CTXND1: variants seen among roughly 807,000 people sequenced by gnomAD.
CTXND1 encodes cortexin domain containing 1.
chr15:80,227,052 G>A (rs112795944), intron 1 of CTXND1, among the ~76,000 whole-genome samples: 1 of 152,130 alleles, frequency 6.6e-6, no homozygotes, highest in Non-Finnish European at 1.5e-5. Context: ...GAGTTTTATT[G>A]AGTGCACATA....
chr15:80,211,908 GT>G (rs945420860), intron 1 of CTXND1, among the ~76,000 whole-genome samples: 40 of 152,262 alleles, frequency 2.6e-4, no homozygotes, highest in African/African-American at 9.4e-4. Context: ...GGCTCTGAAT[GT>G]TTTTTATTCT....
At chr15:80,219,658 G>A (rs1595905973) in intron 1 of CTXND1, among the ~76,000 whole-genome samples, 1 of 152,148 alleles carries the variant, frequency 6.6e-6, no homozygotes, top group Non-Finnish European at 1.5e-5. Context: ...GTACCTGGGA[G>A]CTCCTGCCAC....
At chr15:80,204,169 A>AAAT (rs1555443860) in intron 1 of CTXND1, among the ~76,000 whole-genome samples, 36 of 65,190 alleles carry the variant, frequency 5.5e-4, no homozygotes, top group Admixed American at 1.1e-3. Context: ...AAAAAAAAAA[A>AAAT]ATATATATAT....
intron 2 of CTXND1, among the ~76,000 whole-genome samples, chr15:80,203,220 A>T (rs1200756099): frequency 6.6e-6 from 1 of 152,152 alleles, no homozygotes; most frequent in Non-Finnish European, 1.5e-5. Context: ...CCCTATCCTC[A>T]TCCCTGAACT....
intron 1 of CTXND1, among the ~76,000 whole-genome samples, chr15:80,251,008 A>C (rs185241248): frequency 4.1e-4 from 63 of 152,154 alleles, no homozygotes; most frequent in Middle Eastern, 3.4e-3. Flanking sequence ...TAATCCAGAA[A>C]CTCGAATCCT....
intron 1 of CTXND1, among the ~76,000 whole-genome samples, chr15:80,204,138 C>G (rs1341206135): frequency 1.5e-5 from 1 of 66,192 alleles, no homozygotes; most frequent in Non-Finnish European, 2.6e-5. Flanking sequence ...CAGAGCAAGA[C>G]TGTGTCTCAA....
At chr15:80,247,372 T>A (rs1043885419) in intron 1 of CTXND1, among the ~76,000 whole-genome samples, 1 of 152,194 alleles carries the variant, frequency 6.6e-6, no homozygotes, top group Middle Eastern at 3.4e-3. Context: ...TTTTGTCTTG[T>A]GTGAATAGTC....
intron 1 of CTXND1, among the ~76,000 whole-genome samples, chr15:80,246,396 G>C (rs980549097): frequency 7.2e-5 from 11 of 152,216 alleles, no homozygotes; most frequent in South Asian, 2.1e-4. Context: ...GGGCTTTGCT[G>C]TTTATCCGTT....
intron 1 of CTXND1, among the ~76,000 whole-genome samples, chr15:80,227,734 G>A (rs547002191): frequency 1.3e-5 from 2 of 152,308 alleles, no homozygotes; most frequent in Middle Eastern, 3.4e-3. Context: ...GATCATCTGA[G>A]GCTTCAGGAA....
intron 1 of CTXND1, among the ~76,000 whole-genome samples, chr15:80,208,084 T>G (rs1235258488): frequency 1.3e-5 from 2 of 152,252 alleles, no homozygotes; most frequent in Non-Finnish European, 2.9e-5. Flanking sequence ...GAAATAGGTG[T>G]TTGGTCAAAG....
chr15:80,217,978 G>A (rs182828896), intron 1 of CTXND1, among the ~76,000 whole-genome samples: 98 of 152,266 alleles, frequency 6.4e-4, no homozygotes, highest in African/African-American at 2.0e-3. Context: ...TATGGATGCC[G>A]ATGTATTTAG....
intron 1 of CTXND1, among the ~76,000 whole-genome samples, chr15:80,236,709 G>T (rs927145854): frequency 6.6e-6 from 1 of 151,808 alleles, no homozygotes; most frequent in Non-Finnish European, 1.5e-5. Flanking sequence ...CTTGAACTGG[G>T]GAGGGAGAGG....
At chr15:80,249,448 C>T (rs371223806) in intron 1 of CTXND1, among the ~76,000 whole-genome samples, 4 of 152,344 alleles carry the variant, frequency 2.6e-5, no homozygotes, top group African/African-American at 4.8e-5. Flanking sequence ...ATTCAAGTTG[C>T]TTCTCTGATC....
intron 1 of CTXND1, among the ~76,000 whole-genome samples, chr15:80,242,397 G>C (rs1441951254): frequency 6.6e-6 from 1 of 152,258 alleles, no homozygotes; most frequent in Non-Finnish European, 1.5e-5. Flanking sequence ...GGGCAGGAAG[G>C]GGAGGCAGAG....
intron 1 of CTXND1, among the ~76,000 whole-genome samples, chr15:80,204,645 T>TTGTA (rs1379641972): frequency 3.0e-5 from 1 of 33,560 alleles, no homozygotes; most frequent in Non-Finnish European, 4.6e-5. Context: ...TAATATTCCA[T>TTGTA]TGTATATATA....
chr15:80,242,871 T>C (rs1216288618), intron 1 of CTXND1, among the ~76,000 whole-genome samples: 2 of 152,188 alleles, frequency 1.3e-5, no homozygotes, highest in Non-Finnish European at 2.9e-5. Flanking sequence ...GCTTTGGTCA[T>C]TGATGTCATC....
At chr15:80,222,565 A>C (rs933009848) in intron 1 of CTXND1, among the ~76,000 whole-genome samples, 3 of 152,220 alleles carry the variant, frequency 2.0e-5, no homozygotes, top group African/African-American at 7.2e-5. Flanking sequence ...GTTTGAATTA[A>C]GATATGAATG....
rs1893140641 is a variant in CTXND1, at chr15:80,205,659, AC to A, written c.-217-1920del. On this transcript the variant is annotated intron_variant, in intron 1 of 2. Transcript: ENST00000560778. ...AAATGCACCAGATCCCGGCATCCAG[AC>A]AACGAGACACCAGACCCCTCGTTCA... is the stretch of plus-strand genomic sequence containing the variant. 8.5e-5 allele frequency among the ~76,000 whole-genome samples: 13 copies of A among 152,320 alleles called. No homozygotes were observed. The South Asian group carries it at 2.3e-3, about 27-fold the overall frequency.
intron 1 of CTXND1, among the ~76,000 whole-genome samples, chr15:80,232,174 G>A (rs1183834839): frequency 1.3e-5 from 2 of 152,000 alleles, no homozygotes; most frequent in Non-Finnish European, 2.9e-5. Context: ...GAGAGATGAG[G>A]AGAGTTGTGA....
Sources: allele counts gnomAD v4.1 joint callset (sites outside exome capture counted in the v4.1 genomes callset), GRCh38; gene constraint gnomAD v4.1.1; transcripts MANE v1.5; gene names NCBI Gene and HGNC (gene_info 2026-07-23, HGNC 2026-07-21).